Variants in C2CD5 observed in about 807,000 individuals in gnomAD.
C2CD5 encodes the protein C2 calcium dependent domain containing 5, also known as C2 domain-containing protein 5.
A neutral mutation model predicts 130.3 loss-of-function variants in C2CD5; 109 were observed. The observed-to-expected ratio is 0.84, with a 90% confidence interval of 0.72 to 0.98. The LOEUF is 0.98. Ranked by LOEUF, C2CD5 falls within the 50% of genes least tolerant of loss-of-function variation. C2CD5 has a pLI of 0.00. For synonymous variants in C2CD5, 454 were observed against 429.2 expected (o/e 1.06, Z -0.71); for missense variants, 996 against 1,261.8 (o/e 0.79, Z 3.19).
rs529466667 is a variant in C2CD5, at chr12:22,527,776, A to G, written c.294T>C (p.Tyr98=). ...KVYIDIDPLL[Y]SEAATVISGW... The stretch of plus-strand genomic sequence containing the variant: ...CTGAGATGACTGTTGCAGCTTCACT[A>G]TACAGTAAAGGATCAATATCAATGT... The change falls in exon 4 of 27, where the codon TAT becomes TAC. Residue 98 remains tyrosine, a synonymous_variant. Coordinates refer to ENST00000446597, the MANE Select transcript of C2CD5 (RefSeq NM_001286176.2). 32 of 1,603,598 alleles carry G rather than the reference A, an allele frequency of 2.0e-5. No homozygotes were observed. The highest frequency in any genetic ancestry group is 3.3e-4 in the Middle Eastern group (2 of 6,024).
intron 16 of C2CD5, among the ~76,000 whole-genome samples, chr12:22,473,210 C>T (rs1463839945): frequency 2.0e-5 from 3 of 152,108 alleles, no homozygotes; most frequent in African/African-American, 7.2e-5. Context: ...AATAATAGGT[C>T]TAAACTCTAT....
chr12:22,493,874 ATACAAGAAAT>A (rs987166996), intron 10 of C2CD5, among the ~76,000 whole-genome samples: 19 of 151,960 alleles, frequency 1.3e-4, no homozygotes, highest in African/African-American at 4.6e-4. Context: ...TTTAGGCAAA[ATACAAGAAAT>A]TAGAGACTAA....
rs1052865681 is a variant in C2CD5, at chr12:22,512,525, A to C, written c.1038+769T>G. 39 of 683,210 alleles carry C rather than the reference A, an allele frequency of 5.7e-5. No individual in the cohort carries two copies. In the African/African-American group the frequency reaches 6.5e-4, roughly 11 times the overall value. 42.3% of individuals were successfully genotyped at this position (683,210 alleles called of 1,614,324 possible). Reference sequence around the variant, plus strand: ...CTATTAAATAAAAAAAAAACTTTGCATTACGAAAAGAAAAACGCTGTCAAC... The same window carrying C: ...CTATTAAATAAAAAAAAAACTTTGCCTTACGAAAAGAAAAACGCTGTCAAC... On this transcript the variant is annotated intron_variant, in intron 9 of 26. Coordinates refer to ENST00000446597, the MANE Select transcript of C2CD5 (RefSeq NM_001286176.2).
intron 9 of C2CD5, among the ~76,000 whole-genome samples, chr12:22,510,581 T>C: frequency 6.6e-6 from 1 of 152,216 alleles, no homozygotes; most frequent in East Asian, 1.9e-4. Context: ...AGATATAAAA[T>C]CCATAACAGA....
chr12:22,537,409 T>C (rs1951924462), intron 2 of C2CD5, among the ~76,000 whole-genome samples: 1 of 151,916 alleles, frequency 6.6e-6, no homozygotes, highest in Non-Finnish European at 1.5e-5. Flanking sequence ...AGAAAACAAA[T>C]AAAGGACAAG....
At chr12:22,492,463 G>A (rs1488163254) in intron 11 of C2CD5, among the ~76,000 whole-genome samples, 1 of 152,196 alleles carries the variant, frequency 6.6e-6, no homozygotes, top group Non-Finnish European at 1.5e-5. Context: ...AGGCGGAACA[G>A]TTTCAAGTGA....
In C2CD5 at chr12:22,535,229, C is replaced by T. The variant is rs200737371; in HGVS notation, c.177+29G>A. 29 of 1,275,232 alleles carry T rather than the reference C, an allele frequency of 2.3e-5. No homozygotes were observed. In the East Asian group the frequency reaches 5.6e-4, roughly 24 times the overall value. 79.0% of individuals were successfully genotyped at this position (1,275,232 alleles called of 1,614,324 possible). ...AAAAGAGTCACCTCAAAAAAATACA[C>T]TCAAAAATGCTGACATTTAAAAACT... On this transcript the variant is annotated intron_variant, in intron 3 of 26. Coordinates refer to ENST00000446597, the MANE Select transcript of C2CD5 (RefSeq NM_001286176.2).
chr12:22,532,702 T>C (rs943982070), intron 3 of C2CD5, among the ~76,000 whole-genome samples: 1 of 152,184 alleles, frequency 6.6e-6, no homozygotes. Flanking sequence ...AGGTATCAGT[T>C]TGGCAGGTTC....
At chr12:22,514,536 G>A (rs1317006834) in intron 8 of C2CD5, among the ~76,000 whole-genome samples, 1 of 150,268 alleles carries the variant, frequency 6.7e-6, no homozygotes, top group Admixed American at 6.6e-5. Context: ...TAATGCAACA[G>A]ACAGAAAAAA....
intron 1 of C2CD5, 69 bp downstream of exon 1, chr12:22,544,251 A>G: frequency 8.3e-7 from 1 of 1,200,890 alleles, no homozygotes; most frequent in Non-Finnish European, 1.2e-6. Flanking sequence ...GCGCGGGGTA[A>G]CTGACAGCGA....
chr12:22,449,700 T>C lies in C2CD5; in HGVS notation c.*60A>G. The C allele has an allele frequency of 1.4e-6, 2 of 1,439,200 alleles. No individual in the cohort carries two copies. The highest frequency in any genetic ancestry group is 9.6e-7 in the Non-Finnish European group (1 of 1,039,294). 89.2% of individuals were successfully genotyped at this position (1,439,200 alleles called of 1,614,324 possible). A position where few individuals can be genotyped will look rare whatever the true frequency, so the allele number is the denominator to read the frequency against. On this transcript the variant is annotated 3_prime_UTR_variant, in exon 27 of 27. Coordinates refer to ENST00000446597, the MANE Select transcript of C2CD5 (RefSeq NM_001286176.2). ...ATTTTAAGTCTAAGAAGATAATTAATGACAAAATAACAGAGATTGATGAAT... is the reference window on the plus strand; with the variant it reads ...ATTTTAAGTCTAAGAAGATAATTAACGACAAAATAACAGAGATTGATGAAT...
chr12:22,516,775 T>C (rs1949763349), intron 8 of C2CD5, among the ~76,000 whole-genome samples: 1 of 151,786 alleles, frequency 6.6e-6, no homozygotes, highest in African/African-American at 2.4e-5. Context: ...TTGATTGTCA[T>C]GAATTTTAAG....
chr12:22,534,263 C>A (rs1045771937), intron 3 of C2CD5, among the ~76,000 whole-genome samples: 1 of 152,124 alleles, frequency 6.6e-6, no homozygotes, highest in Non-Finnish European at 1.5e-5. Flanking sequence ...CCATGACCTA[C>A]ATATAGGAAT....
chr12:22,498,158 G>A (rs556179801), intron 10 of C2CD5, among the ~76,000 whole-genome samples: 11 of 152,074 alleles, frequency 7.2e-5, no homozygotes, highest in Non-Finnish European at 1.6e-4. Flanking sequence ...GATAATTGCT[G>A]AGATTATCAG....
intron 10 of C2CD5, among the ~76,000 whole-genome samples, chr12:22,500,659 T>C (rs960365464): frequency 1.3e-5 from 2 of 152,190 alleles, no homozygotes; most frequent in Non-Finnish European, 2.9e-5. Context: ...ACCTAGCAAA[T>C]TGCGTGGCAC....
At chr12:22,532,873 C>T (rs1951435323) in intron 3 of C2CD5, among the ~76,000 whole-genome samples, 1 of 152,060 alleles carries the variant, frequency 6.6e-6, no homozygotes, top group African/African-American at 2.4e-5. Context: ...CACAATGCTG[C>T]CCAATATAAG....
chr12:22,490,487 A>T (rs1373095738), intron 11 of C2CD5, among the ~76,000 whole-genome samples: 1 of 152,036 alleles, frequency 6.6e-6, no homozygotes, highest in African/African-American at 2.4e-5. Flanking sequence ...CATTTAAAAT[A>T]TGGCAAGGCT....
intron 2 of C2CD5, among the ~76,000 whole-genome samples, chr12:22,535,725 C>T (rs1227848130): frequency 6.6e-6 from 1 of 152,170 alleles, no homozygotes; most frequent in Non-Finnish European, 1.5e-5. Context: ...TGATCAACCT[C>T]ATTCATACTA....
chr12:22,519,234 G>T, intron 7 of C2CD5: 7 of 1,535,496 alleles, frequency 4.6e-6, no homozygotes, highest in Admixed American at 3.9e-5. Context: ...ATGAACCAGC[G>T]GAGACCTGAG....
Sources: gnomAD v4.1 joint callset for allele counts (sites outside exome capture counted in the v4.1 genomes callset) on GRCh38, gnomAD v4.1.1 for gene constraint, MANE v1.5 for transcripts, NCBI Gene and HGNC (gene_info 2026-07-23, HGNC 2026-07-21) for gene names.